BCAS3: variants seen among roughly 807,000 people sequenced by gnomAD.
BCAS3 encodes the protein BCAS3 microtubule associated cell migration factor.
In BCAS3, 53 loss-of-function variants were observed where a neutral mutation model predicts 116.1. The ratio of observed to expected loss-of-function variants is 0.46; its 90% CI spans 0.37 to 0.57. The LOEUF (loss-of-function observed/expected upper bound fraction) is 0.57, where lower values mean the gene tolerates loss of function less well. BCAS3 is among the 20% of genes least tolerant of loss of function. The pLI is 0.00. For synonymous variants in BCAS3, 391 were observed against 408.2 expected (o/e 0.96, Z 0.51); for missense variants, 917 against 1,165.4 (o/e 0.79, Z 3.10).
intron 14 of BCAS3, among the ~76,000 whole-genome samples, chr17:60,977,367 G>A (rs1312724986): frequency 6.6e-6 from 1 of 151,878 alleles, no homozygotes; most frequent in African/African-American, 2.4e-5. Context: ...TCTTTTTGTA[G>A]ACACAAGGTT....
At chr17:60,885,848 C>T (rs2056589807) in intron 9 of BCAS3, among the ~76,000 whole-genome samples, 1 of 145,558 alleles carries the variant, frequency 6.9e-6, no homozygotes. Context: ...TTGAGGGTAA[C>T]CCGACCTTTC....
chr17:61,180,376 CA>C lies in BCAS3; in HGVS notation c.2425+95814del, dbSNP rs2079408763. ...ATAAGAGATTAAACTATTCAGCCAA[CA>C]AGCTGTAATAAATAAACTCTAAGCC... On this transcript the variant is annotated intron_variant, in intron 22 of 23. Transcript: ENST00000407086. The surrounding 1 kb of genome is among the most constrained non-coding windows in gnomAD (Gnocchi z 6.0). Among the ~76,000 whole-genome samples the C allele has an allele frequency of 6.6e-6, 1 of 152,170 alleles. No individual in the cohort carries two copies. The highest frequency in any genetic ancestry group is 6.5e-5 in the Admixed American group (1 of 15,284).
chr17:61,142,826 G>A lies in BCAS3; in HGVS notation c.2425+58262G>A, dbSNP rs112684102. Among the ~76,000 whole-genome samples the A allele has an allele frequency of 2.4e-3, 360 of 152,180 alleles. 1 individual carries two copies. Among genetic ancestry groups the A allele is most frequent in the African/African-American group, 8.4e-3 (347 of 41,534 alleles). ...ATGATGGATGCATGGGTTTTATTAT[G>A]TTTTTCTATTTTGATGTATGTTCAA... On this transcript the variant is annotated intron_variant, in intron 22 of 23. Transcript: ENST00000407086.
At chr17:60,707,930 C>A (rs562670501) in intron 4 of BCAS3, among the ~76,000 whole-genome samples, 108 of 152,196 alleles carry the variant, frequency 7.1e-4, no homozygotes, top group Admixed American at 9.8e-4. Flanking sequence ...TATATACATT[C>A]ATGAGGTGGA....
In BCAS3 at chr17:60,967,448, C is replaced by T. The variant is rs1239833265; in HGVS notation, c.1221+20096C>T. ...GAGATACAGTGTTTGCTTCTTTTCT[C>T]GTGCTGTTTTTAGGATCTTCTCTTT... On this transcript the variant is annotated intron_variant, in intron 14 of 23. Coordinates refer to ENST00000407086, the MANE Select transcript of BCAS3 (RefSeq NM_017679.5). This position sits in a 1 kb window ranked among gnomAD's most constrained non-coding sequence, Gnocchi z 4.7. Among the ~76,000 whole-genome samples the T allele has an allele frequency of 6.6e-6, 1 of 152,114 alleles. No homozygotes were observed. The highest frequency in any genetic ancestry group is 1.5e-5 in the Non-Finnish European group (1 of 68,034).
intron 5 of BCAS3, among the ~76,000 whole-genome samples, chr17:60,728,039 C>G (rs2040080021): frequency 6.6e-6 from 1 of 151,978 alleles, no homozygotes; most frequent in East Asian, 1.9e-4. Context: ...GAACTCCTGA[C>G]CTCAAGTGAT....
intron 7 of BCAS3, among the ~76,000 whole-genome samples, chr17:60,816,515 C>T (rs968759620): frequency 6.6e-6 from 1 of 152,034 alleles, no homozygotes; most frequent in Non-Finnish European, 1.5e-5. Flanking sequence ...CCTCGTGATC[C>T]GCCCGCCTCG....
intron 7 of BCAS3, chr17:60,821,775 T>A (rs1395764257): frequency 6.6e-6 from 1 of 152,080 alleles, no homozygotes; most frequent in Non-Finnish European, 1.5e-5. Context: ...AACCTCTGCC[T>A]CCTGGGCCCA....
chr17:61,056,723 G>A lies in BCAS3; in HGVS notation c.2029+15831G>A, dbSNP rs1014807992. ...TGCCATCCTGTCCAGGAGACCCAGG[G>A]GTTTTATTATAACAAAATGGTTTTC... On this transcript the variant is annotated intron_variant, in intron 19 of 23. Transcript: ENST00000407086. The surrounding 1 kb of genome is among the most constrained non-coding windows in gnomAD (Gnocchi z 4.9). 4.6e-5 allele frequency among the ~76,000 whole-genome samples: 7 copies of A among 152,014 alleles called. No individual in the cohort carries two copies. Among genetic ancestry groups the A allele is most frequent in the African/African-American group, 1.5e-4 (6 of 41,356 alleles).
chr17:61,277,226 G>A (rs2050834385), intron 22 of BCAS3, among the ~76,000 whole-genome samples: 1 of 132,292 alleles, frequency 7.6e-6, no homozygotes, highest in Admixed American at 8.9e-5. Context: ...TCATGTCAGT[G>A]TACTCCAGCC....
At chr17:61,374,665 A>G (rs557418963) in intron 23 of BCAS3, among the ~76,000 whole-genome samples, 1 of 152,332 alleles carries the variant, frequency 6.6e-6, no homozygotes, top group South Asian at 2.1e-4. Flanking sequence ...AGAAGTAGTT[A>G]TTCTTGGGGA....
chr17:61,063,395 G>A lies in BCAS3; in HGVS notation c.2030-11525G>A, dbSNP rs555162481. Among the ~76,000 whole-genome samples the A allele has an allele frequency of 4.0e-5, 6 of 151,666 alleles. No individual in the cohort carries two copies. The East Asian group carries it at 1.2e-3, about 29-fold the overall frequency. ...AGCGATTCTCACGCCTCAGCCTCCC[G>A]AGTAGCTGGGACTACAGGCACCTGC... On this transcript the variant is annotated intron_variant, in intron 19 of 23. Coordinates refer to ENST00000407086, the MANE Select transcript of BCAS3 (RefSeq NM_017679.5). The surrounding 1 kb of genome is among the most constrained non-coding windows in gnomAD (Gnocchi z 5.3).
chr17:61,369,626 G>C (rs1039793328), intron 23 of BCAS3, among the ~76,000 whole-genome samples: 1 of 152,192 alleles, frequency 6.6e-6, no homozygotes, highest in Non-Finnish European at 1.5e-5. Flanking sequence ...CCTTCACTAA[G>C]ACGTGTCATC....
chr17:60,723,971 T>C (rs144695653), intron 5 of BCAS3, among the ~76,000 whole-genome samples: 4,716 of 151,286 alleles, frequency 0.031, 238 homozygotes, highest in African/African-American at 0.1. Flanking sequence ...CCACCTGCCT[T>C]GGCCTCCCAA....
chr17:60,999,757 A>T (rs1273208370), intron 15 of BCAS3, among the ~76,000 whole-genome samples: 1 of 152,106 alleles, frequency 6.6e-6, no homozygotes, highest in Non-Finnish European at 1.5e-5. Context: ...TGGACATTTT[A>T]ACAATATTGA....
Position 61,114,779 on chromosome 17 carries a change from C to T in BCAS3, c.2425+30215C>T, listed in dbSNP as rs2075317683. ...GGAACCAAAAAAGAGCCCGCATCGC[C>T]AAGGCAATCCTAAGCCAAAAGAACA... On this transcript the variant is annotated intron_variant, in intron 22 of 23. Transcript: ENST00000407086. Among the ~76,000 whole-genome samples, 3 of 149,458 alleles carry T rather than the reference C, an allele frequency of 2.0e-5. No homozygotes were observed. The South Asian group carries it at 6.3e-4, about 32-fold the overall frequency.
At chr17:60,774,229 A>G (rs1174325458) in intron 6 of BCAS3, among the ~76,000 whole-genome samples, 1 of 151,806 alleles carries the variant, frequency 6.6e-6, no homozygotes, top group East Asian at 1.9e-4. Context: ...TTTCTGCAGT[A>G]TCTAATGTTG....
rs16944875 is a variant in BCAS3 at position 61,141,120 on chromosome 17, A to C, written c.2425+56556A>C. ...ATGAGTATTCATCCTCTGTTGCCCTAAGAACTTACACCTACTGGTTCATAA... is the reference window on the plus strand; with the variant it reads ...ATGAGTATTCATCCTCTGTTGCCCTCAGAACTTACACCTACTGGTTCATAA... On this transcript the variant is annotated intron_variant, in intron 22 of 23. Transcript: ENST00000407086. The surrounding 1 kb of genome is among the most constrained non-coding windows in gnomAD (Gnocchi z 4.3). Among the ~76,000 whole-genome samples, 15,223 of 152,144 alleles carry C rather than the reference A, an allele frequency of 0.1. 2,492 individuals are homozygous for C. The highest frequency in any genetic ancestry group is 0.34 in the African/African-American group (14,240 of 41,458).
At chr17:61,320,987 C>G (rs1344685420) in intron 22 of BCAS3, among the ~76,000 whole-genome samples, 1 of 152,124 alleles carries the variant, frequency 6.6e-6, no homozygotes, top group South Asian at 2.1e-4. Flanking sequence ...AGGATTATTA[C>G]TATTAGTTCA....
Sources: allele counts gnomAD v4.1 joint callset (sites outside exome capture counted in the v4.1 genomes callset), GRCh38; gene constraint gnomAD v4.1.1; non-coding constraint Gnocchi (gnomAD v3.1); transcripts MANE v1.5; gene names NCBI Gene and HGNC (gene_info 2026-07-23, HGNC 2026-07-21).